The following CCDC85A variants were observed in gnomAD, a reference collection of about 807,000 sequenced individuals.
CCDC85A encodes the protein coiled-coil domain-containing protein 85A.
CCDC85A carries 38 observed loss-of-function variants against 50.2 expected under a neutral mutation model. The ratio of observed to expected loss-of-function variants is 0.76; its 90% CI spans 0.58 to 0.99. The LOEUF is 0.99. Ranked by LOEUF, CCDC85A falls within the 50% of genes least tolerant of loss-of-function variation. CCDC85A has a pLI of 0.00. For synonymous variants in CCDC85A, 366 were observed against 301.4 expected, an observed-to-expected ratio of 1.21 and a Z score of -2.22; for missense variants, 820 against 742.0, an observed-to-expected ratio of 1.11 and a Z score of -1.22.
At chr2:56,246,749 A>G (rs1405576619) in intron 2 of CCDC85A, among the ~76,000 whole-genome samples, 1 of 152,168 alleles carries the variant, frequency 6.6e-6, no homozygotes, top group Admixed American at 6.5e-5. Flanking sequence ...TTAGGTTTGA[A>G]CATCTTATTT....
chr2:56,223,611 A>G (rs764344979), intron 2 of CCDC85A, among the ~76,000 whole-genome samples: 55 of 152,338 alleles, frequency 3.6e-4, no homozygotes, highest in Non-Finnish European at 7.2e-4. Flanking sequence ...AAAGAAGACA[A>G]ACATTTCCTG....
intron 3 of CCDC85A, among the ~76,000 whole-genome samples, chr2:56,355,330 G>A (rs571011598): frequency 7.9e-5 from 12 of 152,290 alleles, no homozygotes; most frequent in African/African-American, 2.9e-4. Context: ...CTCACTGTTG[G>A]TCAAGAGACA....
At chr2:56,367,966 G>C (rs573066033) in intron 3 of CCDC85A, among the ~76,000 whole-genome samples, 1 of 152,048 alleles carries the variant, frequency 6.6e-6, no homozygotes, top group Non-Finnish European at 1.5e-5. Flanking sequence ...CATATAGCTT[G>C]TCCAAAGTCA....
chr2:56,357,343 A>T (rs968188527), intron 3 of CCDC85A, among the ~76,000 whole-genome samples: 6 of 152,284 alleles, frequency 3.9e-5, no homozygotes, highest in Admixed American at 6.5e-5. Flanking sequence ...CAGTCATGAG[A>T]GTGTGATAAG....
intron 2 of CCDC85A, among the ~76,000 whole-genome samples, chr2:56,283,907 A>G (rs376121585): frequency 1.7e-4 from 26 of 151,948 alleles, no homozygotes; most frequent in South Asian, 6.2e-4. Flanking sequence ...ATTTTCTTCT[A>G]TTTACTCTGG....
chr2:56,235,725 A>G (rs538549263), intron 2 of CCDC85A, among the ~76,000 whole-genome samples: 2 of 152,350 alleles, frequency 1.3e-5, no homozygotes, highest in South Asian at 2.1e-4. Flanking sequence ...AAATGGTACA[A>G]ATGAGATCTT....
intron 2 of CCDC85A, among the ~76,000 whole-genome samples, chr2:56,289,058 G>A (rs1206481994): frequency 6.6e-5 from 10 of 152,134 alleles, no homozygotes; most frequent in African/African-American, 2.2e-4. Context: ...GTGCTGACCC[G>A]GGTTCCAGGG....
At chr2:56,208,813 ATCT>A (rs1428096546) in intron 2 of CCDC85A, among the ~76,000 whole-genome samples, 1 of 152,118 alleles carries the variant, frequency 6.6e-6, no homozygotes, top group Non-Finnish European at 1.5e-5. Flanking sequence ...GTTTCATCTC[ATCT>A]TCTTGTAAAT....
At chr2:56,204,414 C>T (rs987684863) in intron 2 of CCDC85A, among the ~76,000 whole-genome samples, 11 of 152,148 alleles carry the variant, frequency 7.2e-5, no homozygotes, top group African/African-American at 2.7e-4. Context: ...TCTCATCCAT[C>T]ATAGAAAGTC....
chr2:56,377,418 C>A (rs948619856), intron 5 of CCDC85A, among the ~76,000 whole-genome samples: 2 of 152,214 alleles, frequency 1.3e-5, no homozygotes, highest in African/African-American at 4.8e-5. Context: ...CACACTCCAA[C>A]AGCAGCAACT....
chr2:56,321,594 A>C (rs1673188921), intron 2 of CCDC85A, among the ~76,000 whole-genome samples: 2 of 152,208 alleles, frequency 1.3e-5, no homozygotes, highest in Non-Finnish European at 2.9e-5. Flanking sequence ...AGGGATATGA[A>C]GGACGTTTTC....
At chr2:56,343,798 T>C (rs1190920037) in intron 3 of CCDC85A, among the ~76,000 whole-genome samples, 1 of 152,200 alleles carries the variant, frequency 6.6e-6, no homozygotes, top group African/African-American at 2.4e-5. Flanking sequence ...AAATTATACC[T>C]CAAACAACTA....
chr2:56,312,823 C>G (rs1354563869), intron 2 of CCDC85A, among the ~76,000 whole-genome samples: 1 of 152,120 alleles, frequency 6.6e-6, no homozygotes, highest in East Asian at 1.9e-4. Context: ...GTAAATTGAT[C>G]TCTAATTTTG....
intron 2 of CCDC85A, among the ~76,000 whole-genome samples, chr2:56,237,212 A>G (rs1319724780): frequency 6.6e-6 from 1 of 152,116 alleles, no homozygotes; most frequent in Non-Finnish European, 1.5e-5. Flanking sequence ...TAGCTCATTC[A>G]CTTCCACCAA....
intron 2 of CCDC85A, among the ~76,000 whole-genome samples, chr2:56,206,001 G>A (rs1197261065): frequency 1.3e-5 from 2 of 152,076 alleles, no homozygotes; most frequent in East Asian, 3.9e-4. Context: ...TAGATAGGCT[G>A]GCAGGAGGGG....
At chr2:56,348,536 C>G (rs1023303301) in intron 3 of CCDC85A, among the ~76,000 whole-genome samples, 3 of 152,202 alleles carry the variant, frequency 2.0e-5, no homozygotes, top group Non-Finnish European at 1.5e-5. Context: ...TGTGGCCTTG[C>G]AATGCAGTCT....
intron 2 of CCDC85A, among the ~76,000 whole-genome samples, chr2:56,314,885 G>A (rs1178615338): frequency 1.3e-5 from 2 of 152,130 alleles, no homozygotes; most frequent in African/African-American, 2.4e-5. Context: ...CAGCACTGGA[G>A]CACTTGGTCC....
intron 5 of CCDC85A, among the ~76,000 whole-genome samples, chr2:56,381,011 C>A (rs1676560040): frequency 6.6e-6 from 1 of 152,114 alleles, no homozygotes; most frequent in South Asian, 2.1e-4. Flanking sequence ...TACGCATCAA[C>A]CTCCTCGAGG....
Position 56,372,473 on chromosome 2 carries a change from C to T in CCDC85A, c.1447C>T (p.Leu483Phe). ...AGGAATAGGACGATGCCTGCCTACT[C>T]TCCCGGTGAGTGAAGATGAGTCAGC... ...CRGIGRCLPT[L>F]PGSFRLSSGA... The change falls in exon 4 of 6, where the codon CTC becomes TTC. Residue 483 changes from leucine to phenylalanine, a missense_variant. Leu to Phe is a conservative substitution (Grantham distance 22). Coordinates refer to ENST00000407595, the MANE Select transcript of CCDC85A (RefSeq NM_001080433.2). 6.3e-7 allele frequency: 1 copy of T among 1,599,168 alleles called. No individual in the cohort carries two copies. Among genetic ancestry groups the T allele is most frequent in the Non-Finnish European group, 8.5e-7 (1 of 1,171,760 alleles).
Sources: allele counts gnomAD v4.1 joint callset (sites outside exome capture counted in the v4.1 genomes callset), GRCh38; gene constraint gnomAD v4.1.1; transcripts MANE v1.5; gene names NCBI Gene and HGNC (gene_info 2026-07-23, HGNC 2026-07-21).